The following CDH13 variants were observed in gnomAD, a reference collection of about 807,000 sequenced individuals.
CDH13 encodes the protein cadherin 13, also known as cadherin-13.
Under a neutral mutation model 63.8 loss-of-function variants are expected in CDH13, and 24 were observed. The ratio of observed to expected loss-of-function variants is 0.38; its 90% CI spans 0.27 to 0.53. CDH13 has a LOEUF of 0.53. Among genes scored for constraint, CDH13 ranks in the 20% least tolerant of loss-of-function variants. The pLI is 0.85. For missense variants in CDH13, 1,049 were observed against 903.1 expected (o/e 1.16, Z -2.07); for synonymous variants, 503 against 355.3 (o/e 1.42, Z -4.67).
chr16:82,859,338 G>A (rs118145951), intron 2 of CDH13: 3,053 of 152,462 alleles, frequency 0.02, 40 homozygotes, highest in Non-Finnish European at 0.032. Context: ...AGGATGGATG[G>A]CTTGAGGCCA....
chr16:83,144,805 T>C (rs562513213), intron 4 of CDH13, among the ~76,000 whole-genome samples: 1 of 152,380 alleles, frequency 6.6e-6, no homozygotes, highest in South Asian at 2.1e-4. Flanking sequence ...CCCAGGTGTC[T>C]ATTTCAAGAA....
chr16:82,936,316 C>G (rs1326026317), intron 2 of CDH13, among the ~76,000 whole-genome samples: 1 of 152,162 alleles, frequency 6.6e-6, no homozygotes, highest in Non-Finnish European at 1.5e-5. Flanking sequence ...TACCATCTGC[C>G]TGTGTAATTT....
chr16:83,625,358 C>T (rs1910203874), intron 8 of CDH13, among the ~76,000 whole-genome samples: 1 of 152,156 alleles, frequency 6.6e-6, no homozygotes, highest in Non-Finnish European at 1.5e-5. Context: ...TCCGCATGTA[C>T]CCTGTTTAAA....
intron 11 of CDH13, among the ~76,000 whole-genome samples, chr16:83,750,160 G>C (rs1912961393): frequency 6.6e-6 from 1 of 152,012 alleles, no homozygotes; most frequent in African/African-American, 2.4e-5. Flanking sequence ...GCTGGGCATG[G>C]TGGCACACAC....
At chr16:83,767,146 T>C (rs908843561) in intron 11 of CDH13, among the ~76,000 whole-genome samples, 3 of 152,302 alleles carry the variant, frequency 2.0e-5, no homozygotes, top group African/African-American at 7.2e-5. Flanking sequence ...GAGAGGCATT[T>C]GGAGTCTTGT....
At chr16:82,860,609 T>C (rs1472021739) in intron 2 of CDH13, among the ~76,000 whole-genome samples, 2 of 150,688 alleles carry the variant, frequency 1.3e-5, no homozygotes, top group Admixed American at 6.6e-5. Context: ...TAGCCCCTCT[T>C]GGTGAAACCG....
At chr16:83,378,164 T>C (rs1298070549) in intron 6 of CDH13, among the ~76,000 whole-genome samples, 1 of 152,176 alleles carries the variant, frequency 6.6e-6, no homozygotes, top group Non-Finnish European at 1.5e-5. Context: ...CTTTGCTCTA[T>C]GGTAGATGCT....
At chr16:83,046,223 A>T (rs7191730) in intron 3 of CDH13, among the ~76,000 whole-genome samples, 21,152 of 152,116 alleles carry the variant, frequency 0.14, 1,933 homozygotes, top group African/African-American at 0.26. Context: ...GAAAGCCTTC[A>T]TCTCACTGGG....
intron 4 of CDH13, among the ~76,000 whole-genome samples, chr16:83,147,786 G>C (rs923850302): frequency 1.3e-5 from 2 of 152,006 alleles, no homozygotes; most frequent in African/African-American, 4.8e-5. Context: ...CTGGTCTCTG[G>C]GGTCACAGGG....
At chr16:83,203,841 G>T (rs1396369412) in intron 4 of CDH13, among the ~76,000 whole-genome samples, 1 of 152,114 alleles carries the variant, frequency 6.6e-6, no homozygotes, top group East Asian at 1.9e-4. Context: ...AGCATGTATA[G>T]TTCAACAGCA....
At chr16:83,537,388 C>G (rs1181544045) in intron 7 of CDH13, among the ~76,000 whole-genome samples, 3 of 152,192 alleles carry the variant, frequency 2.0e-5, no homozygotes, top group Non-Finnish European at 4.4e-5. Context: ...GTGAAATGCA[C>G]TTAATTTGGC....
chr16:83,217,426 A>G lies in CDH13; in HGVS notation c.565A>G (p.Arg189Gly). ...GVDQEPKGIF[R>G]INENTGSVSV... ...GGATCAAGAGCCTAAAGGAATTTTC[A>G]GAATCAATGAGAACACAGGGAGCGT... The change falls in exon 5 of 14, where the codon AGA becomes GGA. Residue 189 changes from arginine (R) to glycine (G), a missense_variant. Arg to Gly is a moderately radical substitution (Grantham distance 125). Coordinates refer to ENST00000567109, the MANE Select transcript of CDH13 (RefSeq NM_001257.5). 6.2e-7 allele frequency: 1 copy of G among 1,613,994 alleles called. No homozygotes were observed. The highest frequency in any genetic ancestry group is 8.5e-7 in the Non-Finnish European group (1 of 1,179,858).
At chr16:83,156,631 A>T (rs748962729) in intron 4 of CDH13, among the ~76,000 whole-genome samples, 2 of 152,196 alleles carry the variant, frequency 1.3e-5, no homozygotes, top group Non-Finnish European at 2.9e-5. Context: ...ACAAGCCCCT[A>T]ATAGGACTAC....
chr16:83,131,430 T>A (rs2036048212), intron 4 of CDH13, among the ~76,000 whole-genome samples: 1 of 152,228 alleles, frequency 6.6e-6, no homozygotes. Context: ...CAGTGAGTGC[T>A]CTGGAGAGGA....
At position 82,827,720 on chromosome 16, in the gene CDH13, A is replaced by C. The variant is rs567154946; in HGVS notation, c.46-30642A>C. 3.1e-4 allele frequency among the ~76,000 whole-genome samples: 47 copies of C among 152,362 alleles called. 1 individual carries two copies. The South Asian group carries it at 9.7e-3, about 32-fold the overall frequency. On this transcript the variant is annotated intron_variant, in intron 1 of 13. Coordinates refer to ENST00000567109, the MANE Select transcript of CDH13 (RefSeq NM_001257.5). ...CTAAAATGGCTTCATAAAGATTCTC[A>C]GCATGAATGCCCTTTTTTACTTGAT...
At chr16:83,601,223 G>T (rs949905876) in intron 7 of CDH13, among the ~76,000 whole-genome samples, 9 of 152,148 alleles carry the variant, frequency 5.9e-5, no homozygotes, top group African/African-American at 1.2e-4. Flanking sequence ...GCGGGGTGCT[G>T]CCTTACCAGA....
intron 5 of CDH13, among the ~76,000 whole-genome samples, chr16:83,249,920 G>A (rs1024343748): frequency 1.3e-5 from 2 of 152,142 alleles, no homozygotes; most frequent in African/African-American, 4.8e-5. Context: ...AATAATATTT[G>A]AACTTTAAAT....
intron 1 of CDH13, among the ~76,000 whole-genome samples, chr16:82,657,786 T>C (rs1264494758): frequency 6.6e-6 from 1 of 152,254 alleles, no homozygotes; most frequent in African/African-American, 2.4e-5. Context: ...TCGTATCTTG[T>C]AATCTTGGCA....
chr16:83,025,618 G>GTGA (rs1486988596), intron 2 of CDH13, among the ~76,000 whole-genome samples: 1 of 152,124 alleles, frequency 6.6e-6, no homozygotes, highest in Non-Finnish European at 1.5e-5. Context: ...GATTTTGGTG[G>GTGA]GGACACAGCC....
Sources: allele counts gnomAD v4.1 joint callset (sites outside exome capture counted in the v4.1 genomes callset), GRCh38; gene constraint gnomAD v4.1.1; transcripts MANE v1.5; gene names NCBI Gene and HGNC (gene_info 2026-07-23, HGNC 2026-07-21).